Variants in BPIFB4 observed in about 807,000 individuals in gnomAD.
The protein encoded by BPIFB4 is BPI fold-containing family B member 4.
Under a neutral mutation model 69.2 loss-of-function variants are expected in BPIFB4, and 62 were observed. That is an observed-to-expected ratio of 0.90 (90% CI 0.73 to 1.11). BPIFB4 has a LOEUF of 1.11. BPIFB4 is among the 50% of genes least tolerant of loss of function. BPIFB4 has a pLI of 0.00. For synonymous variants in BPIFB4, 330 were observed against 332.7 expected (o/e 0.99, Z 0.09); for missense variants, 789 against 792.0 (o/e 1.00, Z 0.04).
At chr20:33,089,106 C>T in intron 8 of BPIFB4, 77 bp downstream of exon 8, 13 of 1,600,176 alleles carry the variant, frequency 8.1e-6, no homozygotes, top group Non-Finnish European at 1.1e-5. Context: ...AGCCTCCATC[C>T]CTGGGGGCCT....
chr20:33,086,150 C>T lies in BPIFB4; in HGVS notation c.912C>T (p.Val304=). Reference sequence around the variant, plus strand: ...ACACCCTCCTAGGGGGCATCAAAGTCAAGCTGCTGCGAGGGTGAGTGCTAG... The same window carrying T: ...ACACCCTCCTAGGGGGCATCAAAGTTAAGCTGCTGCGAGGGTGAGTGCTAG... ...RCDTLLGGIK[V]KLLRGLLPNL... is the part of the protein sequence containing the mutation. The change falls in exon 7 of 18, where the codon GTC becomes GTT. Residue 304 remains valine (V), a synonymous_variant. Transcript: ENST00000375483. 1.2e-6 allele frequency: 2 copies of T among 1,605,952 alleles called. No individual in the cohort carries two copies. Among genetic ancestry groups the T allele is most frequent in the Non-Finnish European group, 1.7e-6 (2 of 1,173,306 alleles).
At chr20:33,084,360 G>A (rs1211774360) in intron 5 of BPIFB4, among the ~76,000 whole-genome samples, 3 of 152,192 alleles carry the variant, frequency 2.0e-5, no homozygotes, top group African/African-American at 7.2e-5. Flanking sequence ...CTGTCTCCAC[G>A]GAGCTTGCAG....
At chr20:33,098,560 C>T (rs1427706571) in intron 13 of BPIFB4, among the ~76,000 whole-genome samples, 2 of 151,982 alleles carry the variant, frequency 1.3e-5, no homozygotes, top group Admixed American at 6.6e-5. Flanking sequence ...GCCTTGTCAA[C>T]ATGGTGAAAC....
intron 4 of BPIFB4, 135 bp from the exon 5 acceptor site, chr20:33,083,232 G>T (rs1981293932): frequency 4.0e-6 from 3 of 756,838 alleles, no homozygotes; most frequent in Non-Finnish European, 5.9e-6. Flanking sequence ...GGCAGTGGTG[G>T]GGGGCTGCTG....
At chr20:33,087,717 AACACACACAC>A (rs1555882746) in intron 7 of BPIFB4, among the ~76,000 whole-genome samples, 2 of 59,398 alleles carry the variant, frequency 3.4e-5, no homozygotes, top group African/African-American at 1.2e-4. Flanking sequence ...CTATCCCCTC[AACACACACAC>A]ACACACACAC....
chr20:33,102,295 G>A (rs138963020), intron 14 of BPIFB4, among the ~76,000 whole-genome samples: 2,298 of 152,370 alleles, frequency 0.015, 37 homozygotes, highest in South Asian at 0.05. Context: ...GCTGGACACC[G>A]AGCTGATGCT....
intron 16 of BPIFB4, among the ~76,000 whole-genome samples, chr20:33,107,379 G>T (rs1982097594): frequency 1.3e-5 from 2 of 152,168 alleles, no homozygotes; most frequent in Admixed American, 1.3e-4. Flanking sequence ...GATCATCTGA[G>T]GTCAGGAGTT....
chr20:33,097,849 C>T (rs1320071279), intron 13 of BPIFB4, 62 bp downstream of exon 13: 1 of 1,488,668 alleles, frequency 6.7e-7, no homozygotes, highest in Non-Finnish European at 9.1e-7. Context: ...ACATGGTCTC[C>T]TGGAGCCCAA....
intron 12 of BPIFB4, among the ~76,000 whole-genome samples, chr20:33,096,938 AAATAT>A (rs1405264461): frequency 2.0e-5 from 3 of 152,258 alleles, no homozygotes; most frequent in Non-Finnish European, 4.4e-5. Flanking sequence ...ATCATTTGAT[AAATAT>A]GGCAAACTGC....
intron 15 of BPIFB4, among the ~76,000 whole-genome samples, chr20:33,103,315 TG>T (rs1225464660): frequency 6.6e-6 from 1 of 151,772 alleles, no homozygotes; most frequent in Non-Finnish European, 1.5e-5. Flanking sequence ...CATTTCAGGG[TG>T]GGGAGGCACA....
At chr20:33,086,280 C>G in intron 7 of BPIFB4, 116 bp downstream of exon 7, 1 of 1,350,958 alleles carries the variant, frequency 7.4e-7, no homozygotes, top group Non-Finnish European at 1.0e-6. Context: ...GACGATGATG[C>G]TGTGGGGTGG....
In BPIFB4 at chr20:33,097,807, G is replaced by C. The variant is rs1981798352; in HGVS notation, c.1569+20G>C. On this transcript the variant is annotated intron_variant, in intron 13 of 17. Transcript: ENST00000375483. ...GACGTGGTGAGTGTCTGGAGGTACT[G>C]GTGGCCTCCAGCTGGGCCTCAAGAC... The C allele has an allele frequency of 6.3e-7, 1 of 1,595,296 alleles. No homozygotes were observed. Among genetic ancestry groups the C allele is most frequent in the Non-Finnish European group, 8.5e-7 (1 of 1,169,646 alleles).
At chr20:33,079,769 G>A (rs559991582) in intron 1 of BPIFB4, 66 bp downstream of exon 1, 1 of 152,380 alleles carries the variant, frequency 6.6e-6, no homozygotes, top group Admixed American at 6.5e-5. Context: ...AAGGTAATAA[G>A]GAGAGAGAGT....
At chr20:33,080,039 T>C (rs1171312205) in intron 1 of BPIFB4, among the ~76,000 whole-genome samples, 1 of 152,220 alleles carries the variant, frequency 6.6e-6, no homozygotes, top group Admixed American at 6.5e-5. Context: ...AAAGGGGTGA[T>C]TCCTTTTTGA....
intron 11 of BPIFB4, among the ~76,000 whole-genome samples, chr20:33,093,038 AT>A (rs1451379465): frequency 2.0e-5 from 3 of 152,256 alleles, no homozygotes; most frequent in Non-Finnish European, 4.4e-5. Context: ...ATAACAAAAT[AT>A]CACCCTTAGG....
intron 14 of BPIFB4, among the ~76,000 whole-genome samples, chr20:33,102,331 C>A (rs1981929555): frequency 6.6e-6 from 1 of 152,274 alleles, no homozygotes. Context: ...ACGATTTCCG[C>A]CCCACGGGCA....
At chr20:33,111,277 C>A in intron 17 of BPIFB4, 137 bp from the exon 18 acceptor site, 2 of 1,119,324 alleles carry the variant, frequency 1.8e-6, no homozygotes, top group Non-Finnish European at 2.6e-6. Context: ...CTCGGGCCTG[C>A]ATGACCCCTT....
intron 16 of BPIFB4, among the ~76,000 whole-genome samples, chr20:33,107,221 A>AGAAGGAAGGAAGGAAG (rs71190891): frequency 1.4e-5 from 2 of 142,510 alleles, no homozygotes; most frequent in East Asian, 4.0e-4. Context: ...AATGAAAGAA[A>AGAAGGAAGGAAGGAAG]GAAGGAAGGA....
chr20:33,105,032 G>A (rs752310204), intron 16 of BPIFB4, among the ~76,000 whole-genome samples, 159 bp downstream of exon 16: 1 of 152,056 alleles, frequency 6.6e-6, no homozygotes. Flanking sequence ...TCCAAACGTG[G>A]CCCCCAAAGT....
Sources: allele counts gnomAD v4.1 joint callset (sites outside exome capture counted in the v4.1 genomes callset), GRCh38; gene constraint gnomAD v4.1.1; transcripts MANE v1.5; gene names NCBI Gene and HGNC (gene_info 2026-07-23, HGNC 2026-07-21).